EOGT: variants seen among roughly 807,000 people sequenced by gnomAD.
EOGT encodes the protein EGF domain-specific O-linked N-acetylglucosamine transferase.
A neutral mutation model predicts 70.5 loss-of-function variants in EOGT; 55 were observed. The ratio of observed to expected loss-of-function variants is 0.78; its 90% confidence interval spans 0.63 to 0.98. EOGT has a LOEUF of 0.98. EOGT is among the 50% of genes least tolerant of loss of function. The pLI, the probability that EOGT is intolerant of heterozygous loss-of-function variation, is 0.00. For missense variants in EOGT, 703 were observed against 641.9 expected, an observed-to-expected ratio of 1.10 and a Z score of -1.03; for synonymous variants, 246 against 217.1, an observed-to-expected ratio of 1.13 and a Z score of -1.17.
Position 68,975,328 on chromosome 3 carries a change from A to T in EOGT, c.*2290T>A, listed in dbSNP as rs1318208167. On this transcript the variant is annotated 3_prime_UTR_variant, in exon 18 of 18. Transcript: ENST00000383701. ...ATAAAAAGAGCAATCTTTACATTTT[A>T]CAATTTGAAGACCTTCTGTTCCCAC... 6.6e-6 allele frequency: 1 copy of T among 152,652 alleles called. No homozygotes were observed. Among genetic ancestry groups the T allele is most frequent in the Non-Finnish European group, 1.5e-5 (1 of 68,032 alleles). The allele number at this position is 152,652 out of a possible 1,614,324, so 9.5% of individuals were successfully genotyped here.
chr3:68,981,972 T>C (rs551881180), intron 15 of EOGT, among the ~76,000 whole-genome samples: 2 of 152,000 alleles, frequency 1.3e-5, no homozygotes, highest in Admixed American at 6.6e-5. Context: ...AATGGTGCAA[T>C]GTCAGCTCCC....
rs745534487 is a variant in EOGT at position 69,009,655 on chromosome 3, G to C, written c.192C>G (p.Asp64Glu). The change falls in exon 4 of 18, where the codon GAC becomes GAG. Residue 64 changes from aspartate to glutamate, a missense_variant. Physicochemically the swap from Asp to Glu is conservative, Grantham distance 45 (BLOSUM62 2). Transcript: ENST00000383701. ...TACCTACCTTATATGGACAAAGAGA[G>C]TCTTTCCTACAGACAGTGGCAATAT... Reference protein sequence around the residue: ...NRHIATVCRKDSLCPYKKHLE... With the variant: ...NRHIATVCRKESLCPYKKHLE... 2.5e-5 allele frequency: 40 copies of C among 1,613,176 alleles called. No homozygotes were observed. The highest frequency in any genetic ancestry group is 3.4e-5 in the Non-Finnish European group (40 of 1,179,336).
intron 16 of EOGT, among the ~76,000 whole-genome samples, chr3:68,979,050 G>A (rs940436974): frequency 8.5e-5 from 13 of 152,156 alleles, no homozygotes; most frequent in Admixed American, 5.2e-4. Flanking sequence ...CTTTTAAAAT[G>A]AAACCATAGA....
At chr3:68,999,036 T>C (rs1015177411) in intron 9 of EOGT, among the ~76,000 whole-genome samples, 1 of 152,144 alleles carries the variant, frequency 6.6e-6, no homozygotes, top group Non-Finnish European at 1.5e-5. Flanking sequence ...TGTGTTCTGA[T>C]TGAAAGAGAA....
rs1032870750 is a variant in EOGT at position 69,012,741 on chromosome 3, C to T, written c.-297G>A. On this transcript the variant is annotated 5_prime_UTR_variant, in exon 2 of 18. Transcript: ENST00000383701. Reference sequence around the variant, plus strand: ...TTTACTGGCCAGGCTACTTTTCCTTCAGCTCAAAGCAGCTGGAATCACTCC... The same window carrying T: ...TTTACTGGCCAGGCTACTTTTCCTTTAGCTCAAAGCAGCTGGAATCACTCC... 1 of 152,234 alleles carries T rather than the reference C, an allele frequency of 6.6e-6. No homozygotes were observed. Among genetic ancestry groups the T allele is most frequent in the Non-Finnish European group, 1.5e-5 (1 of 68,096 alleles). 9.4% of individuals were successfully genotyped at this position (152,234 alleles called of 1,614,324 possible). A position where few individuals can be genotyped will look rare whatever the true frequency, so the allele number is the denominator to read the frequency against.
intron 10 of EOGT, among the ~76,000 whole-genome samples, chr3:68,993,658 T>C (rs2091059916): frequency 6.6e-6 from 1 of 152,108 alleles, no homozygotes; most frequent in Admixed American, 6.6e-5. Flanking sequence ...AACACCCCAC[T>C]CTACTGGTAC....
intron 13 of EOGT, 123 bp downstream of exon 13, chr3:68,988,172 C>A: frequency 1.4e-6 from 1 of 713,364 alleles, no homozygotes; most frequent in Non-Finnish European, 2.3e-6. Flanking sequence ...GCCTTGGCCT[C>A]CCCAGAAAAT....
chr3:68,993,714 C>T (rs1485127071), intron 10 of EOGT, among the ~76,000 whole-genome samples: 1 of 152,080 alleles, frequency 6.6e-6, no homozygotes, highest in African/African-American at 2.4e-5. Flanking sequence ...TAAAGATACA[C>T]CCGAGACTGG....
At chr3:68,985,242 A>C (rs1334526578) in intron 14 of EOGT, among the ~76,000 whole-genome samples, 1 of 152,136 alleles carries the variant, frequency 6.6e-6, no homozygotes, top group Non-Finnish European at 1.5e-5. Context: ...TCGTATTTCT[A>C]GGTCTTTAAA....
intron 10 of EOGT, among the ~76,000 whole-genome samples, chr3:68,997,233 ACAGCATAATT>A (rs572569933): frequency 6.7e-4 from 102 of 152,374 alleles, no homozygotes; most frequent in African/African-American, 2.4e-3. Flanking sequence ...GCTGAAACAC[ACAGCATAATT>A]CAGCACAAAG....
At chr3:69,001,132 G>GT (rs1364967393) in intron 9 of EOGT, among the ~76,000 whole-genome samples, 3 of 151,832 alleles carry the variant, frequency 2.0e-5, no homozygotes, top group South Asian at 2.1e-4. Flanking sequence ...AATTTTTTGT[G>GT]TTTTTTTAGT....
At position 68,998,088 on chromosome 3, in the gene EOGT, C is replaced by A; in HGVS notation, c.754G>T (p.Asp252Tyr). 6.3e-7 allele frequency: 1 copy of A among 1,596,630 alleles called. No homozygotes were observed. Among genetic ancestry groups the A allele is most frequent in the South Asian group, 1.1e-5 (1 of 88,582 alleles). The change falls in exon 10 of 18, where the codon GAT (aspartate) becomes TAT (tyrosine). Residue 252 changes from aspartate to tyrosine, a missense_variant. Coordinates refer to ENST00000383701, the MANE Select transcript of EOGT (RefSeq NM_001278689.2). ...TGAGTAATATAAAGATTGATGAAATCACAGAAGTGGTGATACATGTTAACA... is the reference window on the plus strand; with the variant it reads ...TGAGTAATATAAAGATTGATGAAATAACAGAAGTGGTGATACATGTTAACA... ...AGVNMYHHFCDFINLYITQHV... is the reference protein window; with the variant it reads ...AGVNMYHHFCYFINLYITQHV...
chr3:68,981,099 A>G (rs967318563), intron 15 of EOGT, among the ~76,000 whole-genome samples: 2 of 152,214 alleles, frequency 1.3e-5, no homozygotes, highest in African/African-American at 4.8e-5. Flanking sequence ...CAGATTTTAC[A>G]TAATCTGTAA....
chr3:68,988,061 C>T (rs1575728265), intron 13 of EOGT, among the ~76,000 whole-genome samples: 1 of 152,206 alleles, frequency 6.6e-6, no homozygotes, highest in South Asian at 2.1e-4. Context: ...ACTACAGGCA[C>T]ATGCCACCTC....
intron 14 of EOGT, among the ~76,000 whole-genome samples, chr3:68,985,449 C>G (rs1041936964): frequency 6.6e-6 from 1 of 152,164 alleles, no homozygotes; most frequent in Non-Finnish European, 1.5e-5. Flanking sequence ...AAACATGACA[C>G]ACACCACCTC....
intron 3 of EOGT, 37 bp from the exon 4 acceptor site, chr3:69,009,897 T>A: frequency 8.0e-6 from 11 of 1,375,488 alleles, no homozygotes; most frequent in Non-Finnish European, 1.1e-5. Flanking sequence ...GTTAACAAAT[T>A]TCCTTTAAAA....
chr3:68,992,812 G>A (rs1171256517), intron 10 of EOGT, among the ~76,000 whole-genome samples: 2 of 152,214 alleles, frequency 1.3e-5, no homozygotes, highest in Non-Finnish European at 2.9e-5. Flanking sequence ...TCTAGGTGGA[G>A]GTTCCCAAAC....
In EOGT at chr3:68,976,622, A is replaced by G. The variant is rs1323762254; in HGVS notation, c.*996T>C. On this transcript the variant is annotated 3_prime_UTR_variant, in exon 18 of 18. Transcript: ENST00000383701. ...CTATAACATGGTCCTATAGCTTGGTACTGAGAATCACAACTCTGCGTGTGT... is the reference window on the plus strand; with the variant it reads ...CTATAACATGGTCCTATAGCTTGGTGCTGAGAATCACAACTCTGCGTGTGT... 2 of 138,410 alleles carry G rather than the reference A, an allele frequency of 1.4e-5. No homozygotes were observed. Among genetic ancestry groups the G allele is most frequent in the Non-Finnish European group, 3.1e-5 (2 of 65,118 alleles). The allele number at this position is 138,410 out of a possible 1,614,324, so 8.6% of individuals were successfully genotyped here.
Position 68,977,431 on chromosome 3 carries a change from G to A in EOGT, c.*187C>T, listed in dbSNP as rs1037925938. ...GCAAAATTATTGCTATTGATAAATA[G>A]CAATGACACAAAAACCACATGAAAC... On this transcript the variant is annotated 3_prime_UTR_variant, in exon 18 of 18. Coordinates refer to ENST00000383701, the MANE Select transcript of EOGT (RefSeq NM_001278689.2). 7.2e-6 allele frequency: 4 copies of A among 553,660 alleles called. No individual in the cohort carries two copies. The highest frequency in any genetic ancestry group is 6.0e-5 in the African/African-American group (3 of 50,366). The allele number at this position is 553,660 out of a possible 1,614,324, so 34.3% of individuals were successfully genotyped here.
Sources: gnomAD v4.1 joint callset for allele counts (sites outside exome capture counted in the v4.1 genomes callset) on GRCh38, gnomAD v4.1.1 for gene constraint, MANE v1.5 for transcripts, NCBI Gene and HGNC (gene_info 2026-07-23, HGNC 2026-07-21) for gene names.